Variants in SLC16A7 observed in about 807,000 individuals in gnomAD.
SLC16A7 encodes the protein solute carrier family 16 member 7.
A neutral mutation model predicts 34.9 loss-of-function variants in SLC16A7; 33 were observed. The observed-to-expected ratio is 0.94, with a 90% CI of 0.72 to 1.26. SLC16A7 has a LOEUF of 1.26. Among genes scored for constraint, SLC16A7 ranks in the 50% most tolerant of loss-of-function variants. The probability of loss-of-function intolerance (pLI) is 0.00; values close to 1 mark genes in which losing one functional copy is unlikely to be tolerated. For synonymous variants in SLC16A7, 201 were observed against 206.6 expected (o/e 0.97, Z 0.23); for missense variants, 573 against 578.1 (o/e 0.99, Z 0.09).
chr12:59,727,913 A>G (rs1020555025), intron 3 of SLC16A7, among the ~76,000 whole-genome samples: 3 of 152,160 alleles, frequency 2.0e-5, no homozygotes, highest in African/African-American at 7.2e-5. Flanking sequence ...AGGTCAGGGG[A>G]AATTTAAAAA....
At chr12:59,612,092 TG>T (rs1330007062) in intron 1 of SLC16A7, among the ~76,000 whole-genome samples, 12 of 152,232 alleles carry the variant, frequency 7.9e-5, no homozygotes, top group African/African-American at 2.9e-4. Flanking sequence ...AGACTCTGTG[TG>T]GAGGTTCCAT....
At chr12:59,664,741 A>T (rs1869054591) in intron 2 of SLC16A7, 1 of 152,166 alleles carries the variant, frequency 6.6e-6, no homozygotes, top group African/African-American at 2.4e-5. Flanking sequence ...GTATGAACTA[A>T]TAGTGCACGT....
chr12:59,784,809 ATCT>A lies in SLC16A7; in HGVS notation c.*5135_*5137del, dbSNP rs1883501472. ...ATGATTTTAGAGTCTTGAAAAACTG[ATCT>A]TCTTTGGCACTATCCTGAATGTTTC... On this transcript the variant is annotated 3_prime_UTR_variant, in exon 6 of 6. Transcript: ENST00000547379. 1 of 152,294 alleles carries A rather than the reference ATCT, an allele frequency of 6.6e-6. No homozygotes were observed. The highest frequency in any genetic ancestry group is 2.1e-4 in the South Asian group (1 of 4,828). 9.4% of individuals were successfully genotyped at this position (152,294 alleles called of 1,614,324 possible). A position where few individuals can be genotyped will look rare whatever the true frequency, so the allele number is the denominator to read the frequency against.
At chr12:59,695,060 T>A (rs2137108996) in intron 2 of SLC16A7, among the ~76,000 whole-genome samples, 1 of 152,054 alleles carries the variant, frequency 6.6e-6, no homozygotes, top group East Asian at 1.9e-4. Context: ...TTTTATCTGG[T>A]CCCTAAGCTG....
chr12:59,622,031 T>C (rs997908497), intron 1 of SLC16A7, among the ~76,000 whole-genome samples: 2 of 151,844 alleles, frequency 1.3e-5, no homozygotes, highest in Non-Finnish European at 2.9e-5. Context: ...ACTGTCAACT[T>C]CTACACTCAG....
intron 3 of SLC16A7, among the ~76,000 whole-genome samples, chr12:59,753,583 C>A (rs1339304521): frequency 6.6e-6 from 1 of 151,922 alleles, no homozygotes; most frequent in Non-Finnish European, 1.5e-5. Flanking sequence ...GCACCCAATA[C>A]AGGAGCACCC....
intron 3 of SLC16A7, chr12:59,735,955 A>G: frequency 8.1e-7 from 1 of 1,232,290 alleles, no homozygotes. Context: ...GGAATGCATC[A>G]TTCACCCTTT....
intron 3 of SLC16A7, among the ~76,000 whole-genome samples, chr12:59,754,957 G>A (rs148498244): frequency 6.4e-4 from 97 of 152,100 alleles, no homozygotes; most frequent in African/African-American, 2.0e-3. Context: ...TTCAATATAC[G>A]CAAACCAATA....
At chr12:59,615,145 G>A (rs548175694) in intron 1 of SLC16A7, among the ~76,000 whole-genome samples, 3 of 152,198 alleles carry the variant, frequency 2.0e-5, no homozygotes, top group South Asian at 4.2e-4. Flanking sequence ...TACTATCCTG[G>A]AAGGAGAGAC....
At chr12:59,729,229 T>C (rs1435445678) in intron 3 of SLC16A7, among the ~76,000 whole-genome samples, 1 of 152,226 alleles carries the variant, frequency 6.6e-6, no homozygotes, top group Non-Finnish European at 1.5e-5. Context: ...CTATACAATT[T>C]ACACAATTTC....
chr12:59,668,264 G>C (rs1452299159), intron 2 of SLC16A7, among the ~76,000 whole-genome samples: 2 of 152,114 alleles, frequency 1.3e-5, no homozygotes, highest in Non-Finnish European at 2.9e-5. Context: ...AGCTTGCACT[G>C]TGAACCTGGA....
chr12:59,723,470 T>C (rs1693597), intron 3 of SLC16A7, among the ~76,000 whole-genome samples: 18,628 of 151,902 alleles, frequency 0.12, 1,489 homozygotes, highest in African/African-American at 0.22. Flanking sequence ...TCATGATACT[T>C]TTAAAGACGG....
intron 3 of SLC16A7, among the ~76,000 whole-genome samples, chr12:59,740,924 A>C (rs1021067460): frequency 1.3e-5 from 2 of 152,194 alleles, no homozygotes; most frequent in African/African-American, 4.8e-5. Context: ...ATAACAGACA[A>C]ACAGAGAGCC....
chr12:59,741,395 G>A (rs1042658021), intron 3 of SLC16A7, among the ~76,000 whole-genome samples: 6 of 152,134 alleles, frequency 3.9e-5, no homozygotes, highest in African/African-American at 1.4e-4. Flanking sequence ...AGCTGTCCTG[G>A]ACAGATGCCA....
intron 1 of SLC16A7, among the ~76,000 whole-genome samples, chr12:59,632,300 T>C (rs902253271): frequency 2.0e-5 from 3 of 151,988 alleles, no homozygotes; most frequent in Non-Finnish European, 4.4e-5. Flanking sequence ...CTTAAAGTGG[T>C]GGAAAAGAAA....
intron 1 of SLC16A7, among the ~76,000 whole-genome samples, chr12:59,615,483 TCTC>T (rs1879407537): frequency 1.3e-5 from 2 of 152,300 alleles, no homozygotes; most frequent in South Asian, 4.1e-4. Flanking sequence ...TTTTTTACAA[TCTC>T]TTGTAAGAGG....
At chr12:59,598,712 T>C (rs1370733056) in intron 1 of SLC16A7, among the ~76,000 whole-genome samples, 1 of 152,224 alleles carries the variant, frequency 6.6e-6, no homozygotes, top group Non-Finnish European at 1.5e-5. Context: ...GGCAGGATGA[T>C]CCTTCTCTGA....
At chr12:59,739,937 G>T (rs1408214196) in intron 3 of SLC16A7, among the ~76,000 whole-genome samples, 1 of 152,102 alleles carries the variant, frequency 6.6e-6, no homozygotes, top group Non-Finnish European at 1.5e-5. Flanking sequence ...GTAGATTCTG[G>T]ATATTAGCCC....
At chr12:59,627,479 T>G (rs952978134) in intron 1 of SLC16A7, among the ~76,000 whole-genome samples, 1 of 151,884 alleles carries the variant, frequency 6.6e-6, no homozygotes, top group African/African-American at 2.4e-5. Flanking sequence ...TGCTATTTGT[T>G]ATTAATTTTG....
Sources: allele counts gnomAD v4.1 joint callset (sites outside exome capture counted in the v4.1 genomes callset), GRCh38; gene constraint gnomAD v4.1.1; transcripts MANE v1.5; gene names NCBI Gene and HGNC (gene_info 2026-07-23, HGNC 2026-07-21).